HGSNAT: variants seen among roughly 807,000 people sequenced by gnomAD.
HGSNAT encodes the protein heparan-alpha-glucosaminide N-acetyltransferase, also known as transmembrane protein 76.
A neutral mutation model predicts 85.2 loss-of-function variants in HGSNAT; 59 were observed. The ratio of observed to expected loss-of-function variants is 0.69; its 90% CI spans 0.56 to 0.86. The LOEUF is 0.86. HGSNAT is among the 40% of genes least tolerant of loss of function. HGSNAT has a pLI of 0.00. For synonymous variants in HGSNAT, 321 were observed against 304.5 expected (o/e 1.05, Z -0.56); for missense variants, 756 against 777.1 (o/e 0.97, Z 0.32).
At chr8:43,170,541 C>G in intron 6 of HGSNAT, 44 bp from the exon 7 acceptor site, 1 of 1,339,788 alleles carries the variant, frequency 7.5e-7, no homozygotes, top group Non-Finnish European at 1.1e-6. Flanking sequence ...GAAATTTACC[C>G]CTTAGCATTA....
chr8:43,152,716 C>T (rs1055541576), intron 2 of HGSNAT, among the ~76,000 whole-genome samples: 1 of 152,074 alleles, frequency 6.6e-6, no homozygotes, highest in Non-Finnish European at 1.5e-5. Flanking sequence ...CTCGGCCTCC[C>T]AAAGTGCTAG....
intron 1 of HGSNAT, among the ~76,000 whole-genome samples, chr8:43,141,178 G>C (rs1186077709): frequency 6.6e-6 from 1 of 152,202 alleles, no homozygotes; most frequent in Non-Finnish European, 1.5e-5. Flanking sequence ...TGGATGTGCG[G>C]CGGGTGAGGA....
intron 2 of HGSNAT, among the ~76,000 whole-genome samples, chr8:43,156,345 G>A (rs4737085): frequency 2.6e-5 from 4 of 151,430 alleles, no homozygotes; most frequent in African/African-American, 7.3e-5. Flanking sequence ...TCACTCTTTC[G>A]CCCAGGCTGG....
intron 10 of HGSNAT, among the ~76,000 whole-genome samples, chr8:43,178,594 C>CGATAGTGTGCGGCAG (rs1803896976): frequency 1.4e-4 from 14 of 96,920 alleles, no homozygotes; most frequent in African/African-American, 4.6e-4. Flanking sequence ...CATCAGCTTT[C>CGATAGTGTGCGGCAG]TTTTTTTTTT....
At chr8:43,176,766 T>C (rs1803826030) in intron 9 of HGSNAT, among the ~76,000 whole-genome samples, 1 of 152,200 alleles carries the variant, frequency 6.6e-6, no homozygotes, top group Admixed American at 6.5e-5. Flanking sequence ...CTTCTCTTCT[T>C]TGGTTAAGTT....
chr8:43,201,769 G>A lies in HGSNAT; in HGVS notation c.*2200G>A, dbSNP rs111392843. 22 of 152,322 alleles carry A rather than the reference G, an allele frequency of 1.4e-4. No homozygotes were observed. Among genetic ancestry groups the A allele is most frequent in the African/African-American group, 5.3e-4 (22 of 41,568 alleles). The allele number at this position is 152,322 out of a possible 1,614,324, so 9.4% of individuals were successfully genotyped here. On this transcript the variant is annotated 3_prime_UTR_variant, in exon 18 of 18. Coordinates refer to ENST00000379644, the MANE Select transcript of HGSNAT (RefSeq NM_152419.3). This position sits in a 1 kb window ranked among gnomAD's most constrained non-coding sequence, Gnocchi z 4.4. Reference sequence around the variant, plus strand: ...CCTTGTTGGTTTCTGTATTCCTCATGGTGCCAAACACAGTGCCTTCTACAT... The same window carrying A: ...CCTTGTTGGTTTCTGTATTCCTCATAGTGCCAAACACAGTGCCTTCTACAT...
chr8:43,149,384 T>A (rs902884974), intron 2 of HGSNAT, among the ~76,000 whole-genome samples: 2 of 152,104 alleles, frequency 1.3e-5, no homozygotes, highest in African/African-American at 4.8e-5. Context: ...AACTTTTAAA[T>A]TTTGAAATTT....
rs1201270796 is a variant in HGSNAT, at chr8:43,161,454, C to T, written c.510C>T (p.Phe170=). ...VDSNLPVSIA[F]LIGLAVIIVI... is the part of the protein sequence containing the mutation. ...TTTTTCTAGCTGTGAGCATTGCATT[C>T]CTTATTGGTCTTGCTGTCATCATTG... The change falls in exon 5 of 18, where the codon TTC becomes TTT. Residue 170 remains phenylalanine (F), a synonymous_variant. Coordinates refer to ENST00000379644, the MANE Select transcript of HGSNAT (RefSeq NM_152419.3). The T allele has an allele frequency of 6.2e-7, 1 of 1,612,302 alleles. No homozygotes were observed. The highest frequency in any genetic ancestry group is 1.7e-5 in the Admixed American group (1 of 59,876).
intron 15 of HGSNAT, 142 bp from the exon 16 acceptor site, chr8:43,197,530 T>C (rs1804765188): frequency 3.1e-6 from 2 of 648,228 alleles, no homozygotes; most frequent in Non-Finnish European, 5.4e-6. Flanking sequence ...AAAAATATGT[T>C]TCCATTTAAA....
At position 43,197,038 on chromosome 8, in the gene HGSNAT, C is replaced by T; in HGVS notation, c.1542+13C>T. 2 of 1,568,732 alleles carry T rather than the reference C, an allele frequency of 1.3e-6. No individual in the cohort carries two copies. The highest frequency in any genetic ancestry group is 8.8e-7 in the Non-Finnish European group (1 of 1,139,532). On this transcript the variant is annotated intron_variant, in intron 15 of 17. Transcript: ENST00000379644. ...GTGTTGTATTCTTGTAAGTAAGCAG[C>T]ATTCCTCGCTAAAATTCCTTTCCTT...
At chr8:43,150,691 A>G (rs767390901) in intron 2 of HGSNAT, among the ~76,000 whole-genome samples, 39 of 152,046 alleles carry the variant, frequency 2.6e-4, no homozygotes, top group African/African-American at 7.5e-4. Context: ...AAAATTAGCC[A>G]GGCATGGTGG....
chr8:43,181,104 GGA>G (rs1238126747), intron 10 of HGSNAT, among the ~76,000 whole-genome samples: 14 of 50 alleles, frequency 0.28, no homozygotes, highest in African/African-American at 0.34. Context: ...AGAGGGAGAG[GGA>G]GAGGGAGAGG....
At chr8:43,161,241 C>T (rs1161186303) in intron 4 of HGSNAT, among the ~76,000 whole-genome samples, 197 bp from the exon 5 acceptor site, 3 of 152,094 alleles carry the variant, frequency 2.0e-5, no homozygotes, top group African/African-American at 7.2e-5. Flanking sequence ...TGGTACCATT[C>T]TCTGTGCTTT....
chr8:43,153,757 G>T (rs1404342167), intron 2 of HGSNAT, among the ~76,000 whole-genome samples: 2 of 152,064 alleles, frequency 1.3e-5, no homozygotes, highest in African/African-American at 2.4e-5. Flanking sequence ...CTTCTATGAG[G>T]TCACATTTTT....
intron 12 of HGSNAT, 151 bp from the exon 13 acceptor site, chr8:43,192,153 C>G (rs1011026786): frequency 6.9e-5 from 52 of 759,048 alleles, no homozygotes; most frequent in Non-Finnish European, 9.2e-5. Flanking sequence ...GTCTCAAATT[C>G]CTGACCTCAG....
At chr8:43,187,470 C>A (rs147989936) in intron 11 of HGSNAT, among the ~76,000 whole-genome samples, 1 of 152,156 alleles carries the variant, frequency 6.6e-6, no homozygotes, top group Non-Finnish European at 1.5e-5. Flanking sequence ...GCAACTCCTG[C>A]CTTTTTTTGT....
chr8:43,158,718 G>A lies in HGSNAT; in HGVS notation c.371+7G>A. On this transcript the variant is annotated splice_region_variant and intron_variant, in intron 3 of 17. Transcript: ENST00000379644. ...AAGAGAAAGAAGTTTGTAGGTTTGT[G>A]CCTGCTTTGTTGTGATCTAAGTGAA... The A allele has an allele frequency of 6.3e-7, 1 of 1,594,890 alleles. No individual in the cohort carries two copies. The highest frequency in any genetic ancestry group is 8.5e-7 in the Non-Finnish European group (1 of 1,170,392).
intron 11 of HGSNAT, 72 bp from the exon 12 acceptor site, chr8:43,191,402 T>C (rs1804521579): frequency 6.4e-7 from 1 of 1,553,506 alleles, no homozygotes. Context: ...GGGAATTTCC[T>C]AAAGACATGT....
At chr8:43,186,631 T>G (rs1252858040) in intron 11 of HGSNAT, among the ~76,000 whole-genome samples, 1 of 152,204 alleles carries the variant, frequency 6.6e-6, no homozygotes, top group Non-Finnish European at 1.5e-5. Context: ...TTTTTGTGTT[T>G]CTATCTCCTT....
Sources: gnomAD v4.1 joint callset for allele counts (sites outside exome capture counted in the v4.1 genomes callset) on GRCh38, gnomAD v4.1.1 for gene constraint, Gnocchi (gnomAD v3.1) non-coding constraint, MANE v1.5 for transcripts, NCBI Gene and HGNC (gene_info 2026-07-23, HGNC 2026-07-21) for gene names.